PLCB1: variants seen among roughly 807,000 people sequenced by gnomAD.
PLCB1 encodes the protein 1-phosphatidylinositol 4,5-bisphosphate phosphodiesterase beta-1.
In PLCB1, 46 loss-of-function variants were observed where a neutral mutation model predicts 161.8. The observed-to-expected ratio is 0.28, with a 90% CI of 0.22 to 0.36. The LOEUF (loss-of-function observed/expected upper bound fraction) is 0.36. Among genes scored for constraint, PLCB1 ranks in the 10% least tolerant of loss-of-function variants. PLCB1 has a pLI of 1.00. For synonymous variants in PLCB1, 517 were observed against 503.7 expected, an observed-to-expected ratio of 1.03 and a Z score of -0.35; for missense variants, 1,016 against 1,472.5, an observed-to-expected ratio of 0.69 and a Z score of 5.07.
At chr20:8,432,697 G>A (rs1006577941) in intron 3 of PLCB1, among the ~76,000 whole-genome samples, 3 of 152,040 alleles carry the variant, frequency 2.0e-5, no homozygotes, top group Non-Finnish European at 2.9e-5. Flanking sequence ...TTTTCTTCAG[G>A]ATCAAAGCGA....
At chr20:8,608,504 G>A (rs928291228) in intron 3 of PLCB1, among the ~76,000 whole-genome samples, 3 of 152,132 alleles carry the variant, frequency 2.0e-5, no homozygotes, top group African/African-American at 4.8e-5. Context: ...ATCATGTAAC[G>A]TCCCATTCCT....
chr20:8,821,901 TCTC>T (rs1339549571), intron 31 of PLCB1, among the ~76,000 whole-genome samples: 1 of 152,060 alleles, frequency 6.6e-6, no homozygotes, highest in African/African-American at 2.4e-5. Flanking sequence ...GAACCATGCT[TCTC>T]CTGTTTCTGC....
chr20:8,298,937 A>G (rs1378003203), intron 2 of PLCB1, among the ~76,000 whole-genome samples: 1 of 152,146 alleles, frequency 6.6e-6, no homozygotes, highest in Admixed American at 6.6e-5. Context: ...AAGATTATAG[A>G]CATAGACAGG....
chr20:8,685,112 A>C lies in PLCB1; in HGVS notation c.1009+34A>C, dbSNP rs769430112. The C allele has an allele frequency of 8.8e-6, 14 of 1,597,014 alleles. No individual in the cohort carries two copies. In the South Asian group the frequency reaches 1.5e-4, roughly 18 times the overall value. On this transcript the variant is annotated intron_variant, in intron 10 of 31. Coordinates refer to ENST00000338037, the MANE Select transcript of PLCB1 (RefSeq NM_015192.4). ...TTTCTAGTTCTTTGTTACTTTAGCCAGTCTCACCAAATTTCACCAACCTCT... is the reference window on the plus strand; with the variant it reads ...TTTCTAGTTCTTTGTTACTTTAGCCCGTCTCACCAAATTTCACCAACCTCT...
intron 3 of PLCB1, among the ~76,000 whole-genome samples, chr20:8,617,842 A>G (rs1988076917): frequency 6.6e-6 from 1 of 152,190 alleles, no homozygotes; most frequent in Non-Finnish European, 1.5e-5. Flanking sequence ...AAAAGGTTAT[A>G]TATATATCTT....
At chr20:8,847,845 G>A (rs6086644) in intron 31 of PLCB1, among the ~76,000 whole-genome samples, 40,038 of 151,788 alleles carry the variant, frequency 0.26, 6,775 homozygotes, top group East Asian at 0.63. Context: ...ATAGGGTATC[G>A]TAGTCTGCTT....
intron 27 of PLCB1, among the ~76,000 whole-genome samples, chr20:8,786,532 G>T (rs998445721): frequency 6.6e-6 from 1 of 152,106 alleles, no homozygotes; most frequent in Non-Finnish European, 1.5e-5. Context: ...AACCTTATTT[G>T]TCTGGGTTTG....
At chr20:8,805,696 A>C (rs1181017737) in intron 31 of PLCB1, among the ~76,000 whole-genome samples, 1 of 152,236 alleles carries the variant, frequency 6.6e-6, no homozygotes, top group African/African-American at 2.4e-5. Context: ...AAGGTTAATG[A>C]ACTTTACTAA....
intron 7 of PLCB1, chr20:8,651,624 A>G (rs554377880): frequency 6.0e-4 from 387 of 642,244 alleles, no homozygotes; most frequent in Non-Finnish European, 9.2e-4. Flanking sequence ...CTATGTGCCC[A>G]TAGGCATTGA....
intron 9 of PLCB1, among the ~76,000 whole-genome samples, chr20:8,668,935 T>C (rs6140677): frequency 0.071 from 10,824 of 152,298 alleles, 484 homozygotes; most frequent in East Asian, 0.17. Flanking sequence ...CTGATGCTTA[T>C]TGAACGCATT....
In PLCB1 at chr20:8,692,398, A is replaced by T. The variant is rs371865782; in HGVS notation, c.1010-5228A>T. Among the ~76,000 whole-genome samples the T allele has an allele frequency of 5.9e-5, 9 of 152,196 alleles. 1 individual carries two copies. In the East Asian group the frequency reaches 1.2e-3, roughly 20 times the overall value. On this transcript the variant is annotated intron_variant, in intron 10 of 31. Transcript: ENST00000338037. ...CTTTAGAGCACACACAGACCTAAAA[A>T]GTCAGGTGGTAGAATGAAAAGAAGA...
intron 12 of PLCB1, among the ~76,000 whole-genome samples, chr20:8,710,380 G>A (rs1018053862): frequency 2.0e-5 from 3 of 151,972 alleles, no homozygotes; most frequent in Non-Finnish European, 4.4e-5. Flanking sequence ...CTCCCACCAG[G>A]CCCCACTTCC....
intron 17 of PLCB1, among the ~76,000 whole-genome samples, chr20:8,728,323 A>C (rs1230109984): frequency 6.6e-6 from 1 of 152,098 alleles, no homozygotes; most frequent in Non-Finnish European, 1.5e-5. Flanking sequence ...AACCCTAACC[A>C]ACCTTCACCT....
intron 3 of PLCB1, among the ~76,000 whole-genome samples, chr20:8,415,490 T>C (rs1979229684): frequency 6.6e-6 from 1 of 152,168 alleles, no homozygotes; most frequent in South Asian, 2.1e-4. Flanking sequence ...TGTATACAGG[T>C]GGATTATTTG....
chr20:8,189,931 A>T (rs1215594198), intron 2 of PLCB1, among the ~76,000 whole-genome samples: 3 of 152,088 alleles, frequency 2.0e-5, no homozygotes, highest in African/African-American at 4.8e-5. Context: ...AAGCAGGAGA[A>T]AGAGAAGTGC....
chr20:8,260,416 G>C (rs1471996800), intron 2 of PLCB1, among the ~76,000 whole-genome samples: 1 of 151,976 alleles, frequency 6.6e-6, no homozygotes, highest in Non-Finnish European at 1.5e-5. Context: ...AAATCACAAA[G>C]TAAGACTGGG....
At chr20:8,292,191 A>G (rs923313081) in intron 2 of PLCB1, among the ~76,000 whole-genome samples, 3 of 152,192 alleles carry the variant, frequency 2.0e-5, no homozygotes, top group Admixed American at 6.6e-5. Flanking sequence ...CAAATCACTC[A>G]GCTTTTAAGA....
intron 3 of PLCB1, among the ~76,000 whole-genome samples, chr20:8,422,078 C>T (rs191687604): frequency 6.6e-6 from 1 of 152,290 alleles, no homozygotes; most frequent in East Asian, 1.9e-4. Context: ...CTTTCAGAGG[C>T]CTGAGTGAGT....
chr20:8,307,228 G>C lies in PLCB1; in HGVS notation c.178-64154G>C, dbSNP rs140975565. 1.5e-3 allele frequency among the ~76,000 whole-genome samples: 225 copies of C among 152,326 alleles called. 1 individual carries two copies. Among genetic ancestry groups the C allele is most frequent in the African/African-American group, 5.3e-3 (221 of 41,580 alleles). On this transcript the variant is annotated intron_variant, in intron 2 of 31. Coordinates refer to ENST00000338037, the MANE Select transcript of PLCB1 (RefSeq NM_015192.4). Reference sequence around the variant, plus strand: ...GGGGGGTGGGCATGGGCACGTGTGGGTGCAGGCAGGGCATTCTGAGGGGTC... The same window carrying C: ...GGGGGGTGGGCATGGGCACGTGTGGCTGCAGGCAGGGCATTCTGAGGGGTC...
Sources: gnomAD v4.1 joint callset for allele counts (sites outside exome capture counted in the v4.1 genomes callset) on GRCh38, gnomAD v4.1.1 for gene constraint, MANE v1.5 for transcripts, NCBI Gene and HGNC (gene_info 2026-07-23, HGNC 2026-07-21) for gene names.